Variants in SDCCAG8 observed in about 807,000 individuals in gnomAD.
SDCCAG8 encodes SHH signaling and ciliogenesis regulator SDCCAG8.
SDCCAG8 carries 74 observed loss-of-function variants against 101.8 expected under a neutral mutation model. The ratio of observed to expected loss-of-function variants is 0.73; its 90% CI spans 0.60 to 0.88. The LOEUF is 0.88. Among genes scored for constraint, SDCCAG8 ranks in the 40% least tolerant of loss-of-function variants. The pLI is 0.00. For synonymous variants in SDCCAG8, 281 were observed against 292.9 expected (o/e 0.96, Z 0.41); for missense variants, 787 against 822.6 (o/e 0.96, Z 0.53).
intron 13 of SDCCAG8, among the ~76,000 whole-genome samples, chr1:243,392,338 C>T (rs984437864): frequency 1.3e-5 from 2 of 152,190 alleles, no homozygotes; most frequent in Non-Finnish European, 2.9e-5. Flanking sequence ...GTTCTTTCTA[C>T]ATCTTAAATG....
rs1661927706 is a variant in SDCCAG8 at position 243,474,416 on chromosome 1, G to A, written c.1986-14598G>A. Among the ~76,000 whole-genome samples, 1 of 152,202 alleles carries A rather than the reference G, an allele frequency of 6.6e-6. No homozygotes were observed. Among genetic ancestry groups the A allele is most frequent in the South Asian group, 2.1e-4 (1 of 4,834 alleles). ...CCCCGGCCGGCTGCCCTCCAGGTGC[G>A]GGCTCCAGGCCCTCTCGCGCGGCTT... is the stretch of plus-strand genomic sequence containing the variant. On this transcript the variant is annotated intron_variant, in intron 16 of 17. Transcript: ENST00000366541. This position sits in a 1 kb window ranked among gnomAD's most constrained non-coding sequence, Gnocchi z 4.7.
intron 16 of SDCCAG8, among the ~76,000 whole-genome samples, chr1:243,437,802 T>C (rs1236709246): frequency 6.6e-6 from 1 of 152,160 alleles, no homozygotes; most frequent in Non-Finnish European, 1.5e-5. Context: ...CCTCCCAAAG[T>C]GCTGGGATGA....
chr1:243,355,675 G>A (rs528063789), intron 12 of SDCCAG8, among the ~76,000 whole-genome samples: 10 of 152,112 alleles, frequency 6.6e-5, no homozygotes, highest in East Asian at 5.8e-4. Context: ...GCACAATCTC[G>A]GCTTATTGCA....
intron 16 of SDCCAG8, among the ~76,000 whole-genome samples, chr1:243,444,606 C>T (rs2082772953): frequency 6.6e-6 from 1 of 152,102 alleles, no homozygotes; most frequent in Non-Finnish European, 1.5e-5. Flanking sequence ...TGGTCTCAAA[C>T]TCCTGAGCTC....
At chr1:243,429,556 T>C (rs540531399) in intron 16 of SDCCAG8, among the ~76,000 whole-genome samples, 1 of 152,112 alleles carries the variant, frequency 6.6e-6, no homozygotes, top group Admixed American at 6.5e-5. Flanking sequence ...ACTTGTTTTT[T>C]AAAAAATTAT....
intron 16 of SDCCAG8, among the ~76,000 whole-genome samples, chr1:243,468,464 C>T (rs970567589): frequency 6.6e-6 from 1 of 152,164 alleles, no homozygotes; most frequent in Admixed American, 6.5e-5. Flanking sequence ...GTGATCCACC[C>T]GCCTCAGCCT....
At chr1:243,476,082 G>A (rs769727197) in intron 16 of SDCCAG8, 46 of 985,408 alleles carry the variant, frequency 4.7e-5, no homozygotes, top group Middle Eastern at 1.0e-3. Context: ...TCATCAGTGT[G>A]TGGAGGACCC....
At chr1:243,266,366 G>C (rs1417691191) in intron 1 of SDCCAG8, among the ~76,000 whole-genome samples, 2 of 151,080 alleles carry the variant, frequency 1.3e-5, no homozygotes, top group Admixed American at 6.6e-5. Flanking sequence ...ACCCAGCCTG[G>C]AATGCAGTGG....
chr1:243,340,375 A>G lies in SDCCAG8; in HGVS notation c.1222-664A>G, dbSNP rs141483917. Among the ~76,000 whole-genome samples the G allele has an allele frequency of 6.9e-3, 1,054 of 152,326 alleles. 4 individuals are homozygous for G. The highest frequency in any genetic ancestry group is 0.011 in the Admixed American group (162 of 15,304). ...CAGGCATGACTGTCTCAGTGCACACAAGCTGAATATCAACCCTGAACGTGG... is the reference window on the plus strand; with the variant it reads ...CAGGCATGACTGTCTCAGTGCACACGAGCTGAATATCAACCCTGAACGTGG... On this transcript the variant is annotated intron_variant, in intron 10 of 17. Coordinates refer to ENST00000366541, the MANE Select transcript of SDCCAG8 (RefSeq NM_006642.5).
intron 4 of SDCCAG8, 89 bp downstream of exon 4, chr1:243,274,745 A>T (rs886200163): frequency 2.6e-6 from 2 of 776,052 alleles, no homozygotes; most frequent in Non-Finnish European, 4.4e-6. Context: ...ATAAATCTTC[A>T]TGTTTGTAGC....
intron 12 of SDCCAG8, among the ~76,000 whole-genome samples, chr1:243,355,676 G>A (rs569929896): frequency 6.6e-6 from 1 of 152,252 alleles, no homozygotes; most frequent in South Asian, 2.1e-4. Flanking sequence ...CACAATCTCG[G>A]CTTATTGCAG....
At chr1:243,477,035 G>C (rs2994321) in intron 16 of SDCCAG8, among the ~76,000 whole-genome samples, 85,299 of 128,202 alleles carry the variant, frequency 0.67, 25,072 homozygotes, top group East Asian at 0.8. Flanking sequence ...CACACACACA[G>C]AGAGAAAGGC....
rs960271227 is a variant in SDCCAG8, at chr1:243,362,541, G to A, written c.1474-16180G>A. ...GGATAGATACAATGCCTACCTTATA[G>A]GATTTTGTAAAATTTTAGGTCATCT... On this transcript the variant is annotated intron_variant, in intron 12 of 17. Transcript: ENST00000366541. 3.9e-5 allele frequency among the ~76,000 whole-genome samples: 6 copies of A among 152,212 alleles called. No individual in the cohort carries two copies. The East Asian group carries it at 7.7e-4, about 20-fold the overall frequency.
chr1:243,353,231 C>T (rs907533952), intron 12 of SDCCAG8, among the ~76,000 whole-genome samples: 5 of 151,828 alleles, frequency 3.3e-5, no homozygotes, highest in African/African-American at 1.2e-4. Flanking sequence ...TGGCTCATGC[C>T]TGTAATCCCA....
chr1:243,335,798 C>T lies in SDCCAG8; in HGVS notation c.1221+5106C>T, dbSNP rs190370680. Among the ~76,000 whole-genome samples the T allele has an allele frequency of 3.3e-5, 5 of 149,960 alleles. No individual in the cohort carries two copies. The East Asian group carries it at 9.8e-4, about 29-fold the overall frequency. On this transcript the variant is annotated intron_variant, in intron 10 of 17. Transcript: ENST00000366541. ...AACCCCTACCCCACTCCCTCCCTCT[C>T]CTCTCTAGTCATCCCCAGTTTCTGT...
chr1:243,457,183 C>T (rs943912722), intron 16 of SDCCAG8, among the ~76,000 whole-genome samples: 1 of 151,902 alleles, frequency 6.6e-6, no homozygotes, highest in Non-Finnish European at 1.5e-5. Context: ...ATATTTTTTT[C>T]TTTAAGGAAA....
intron 16 of SDCCAG8, among the ~76,000 whole-genome samples, chr1:243,452,409 C>CTTTTTTTTTTTTTTT (rs1558489172): frequency 2.5e-5 from 3 of 121,034 alleles, no homozygotes; most frequent in African/African-American, 3.4e-5. Context: ...GAGATGATCT[C>CTTTTTTTTTTTTTTT]ATCTCTTTTT....
chr1:243,402,536 A>T (rs572144161), intron 13 of SDCCAG8, among the ~76,000 whole-genome samples: 1 of 152,300 alleles, frequency 6.6e-6, no homozygotes, highest in East Asian at 1.9e-4. Flanking sequence ...GACGTATTTT[A>T]AATTTTTTTC....
intron 5 of SDCCAG8, among the ~76,000 whole-genome samples, chr1:243,288,274 C>G (rs1263631866): frequency 6.6e-6 from 1 of 151,984 alleles, no homozygotes; most frequent in African/African-American, 2.4e-5. Flanking sequence ...GAGTTCCAGA[C>G]AAGCCTGGGC....
Sources: gnomAD v4.1 joint callset for allele counts (sites outside exome capture counted in the v4.1 genomes callset) on GRCh38, gnomAD v4.1.1 for gene constraint, Gnocchi (gnomAD v3.1) non-coding constraint, MANE v1.5 for transcripts, NCBI Gene and HGNC (gene_info 2026-07-23, HGNC 2026-07-21) for gene names.